DLGAP2: variants seen among roughly 807,000 people sequenced by gnomAD.
The protein encoded by DLGAP2 is DLG associated protein 2.
Under a neutral mutation model 100.3 loss-of-function variants are expected in DLGAP2, and 26 were observed. That is an observed-to-expected ratio of 0.26 (90% CI 0.19 to 0.36). The LOEUF is 0.36. DLGAP2 is among the 10% of genes least tolerant of loss of function. The pLI is 1.00. For missense variants in DLGAP2, 1,858 were observed against 1,453.2 expected (o/e 1.28, Z -4.53); for synonymous variants, 886 against 630.1 (o/e 1.41, Z -6.08).
At chr8:1,077,015 A>C (rs1803641237) in intron 2 of DLGAP2, among the ~76,000 whole-genome samples, 2 of 133,930 alleles carry the variant, frequency 1.5e-5, no homozygotes, top group Admixed American at 1.5e-4. Context: ...GTGGAGGAGG[A>C]GTCTGTCCCG....
At chr8:961,995 A>G (rs1433080551) in intron 2 of DLGAP2, among the ~76,000 whole-genome samples, 1 of 152,220 alleles carries the variant, frequency 6.6e-6, no homozygotes, top group Non-Finnish European at 1.5e-5. Flanking sequence ...CCATCCACAC[A>G]GAGATTTGAT....
intron 3 of DLGAP2, among the ~76,000 whole-genome samples, chr8:1,290,086 AT>A (rs1800024988): frequency 1.3e-5 from 2 of 152,140 alleles, no homozygotes; most frequent in Admixed American, 1.3e-4. Flanking sequence ...GGTGTTGGGA[AT>A]TTATTCCTAC....
At chr8:1,607,438 T>C (rs1390100215) in intron 6 of DLGAP2, among the ~76,000 whole-genome samples, 5 of 152,246 alleles carry the variant, frequency 3.3e-5, no homozygotes, top group Admixed American at 3.3e-4. Flanking sequence ...GGAAATCTAA[T>C]TTATACTCCT....
At chr8:1,685,814 A>G (rs1585063330) in intron 12 of DLGAP2, among the ~76,000 whole-genome samples, 1 of 152,234 alleles carries the variant, frequency 6.6e-6, no homozygotes, top group East Asian at 1.9e-4. Flanking sequence ...GCCAACAGGT[A>G]TGTGACAAAA....
Position 895,414 on chromosome 8 carries a change from A to C in DLGAP2, c.19-12498A>C, listed in dbSNP as rs142970914. Reference sequence around the variant, plus strand: ...GTGCTGAGACACAGCAGCTCTTTCCACCTCTGTTTCCGGGGAGCAGGGGGC... The same window carrying C: ...GTGCTGAGACACAGCAGCTCTTTCCCCCTCTGTTTCCGGGGAGCAGGGGGC... On this transcript the variant is annotated intron_variant, in intron 1 of 14. Transcript: ENST00000637795. 2.4e-3 allele frequency among the ~76,000 whole-genome samples: 359 copies of C among 152,030 alleles called. 2 individuals are homozygous for C. Among genetic ancestry groups the C allele is most frequent in the African/African-American group, 7.9e-3 (326 of 41,442 alleles).
At chr8:884,359 T>C (rs576941083) in intron 1 of DLGAP2, among the ~76,000 whole-genome samples, 1 of 152,346 alleles carries the variant, frequency 6.6e-6, no homozygotes, top group African/African-American at 2.4e-5. Context: ...GGTATCTCAT[T>C]GTGGTTTTGA....
At chr8:1,187,824 C>T (rs373133827) in intron 2 of DLGAP2, among the ~76,000 whole-genome samples, 7 of 121,698 alleles carry the variant, frequency 5.8e-5, no homozygotes, top group East Asian at 4.8e-4. Flanking sequence ...CCGGGACTTC[C>T]GTGATGTTTC....
chr8:757,615 G>A (rs915698931), intron 1 of DLGAP2, among the ~76,000 whole-genome samples: 9 of 152,212 alleles, frequency 5.9e-5, no homozygotes, highest in Non-Finnish European at 1.2e-4. Flanking sequence ...ATGGTGCTGG[G>A]TCACAGGCTG....
chr8:1,516,845 T>C (rs982736423), intron 4 of DLGAP2, among the ~76,000 whole-genome samples: 6 of 152,256 alleles, frequency 3.9e-5, no homozygotes, highest in African/African-American at 1.4e-4. Flanking sequence ...CCTTTTTTTG[T>C]GCTGAAATTA....
At chr8:1,043,018 GTGTGGGTGGTGGA>G (rs1802404760) in intron 2 of DLGAP2, among the ~76,000 whole-genome samples, 2 of 127,518 alleles carry the variant, frequency 1.6e-5, no homozygotes, top group African/African-American at 2.9e-5. Context: ...TGGGTGGTGG[GTGTGGGTGGTGGA>G]TGTGGGTGGT....
intron 8 of DLGAP2, among the ~76,000 whole-genome samples, chr8:1,635,395 A>T (rs1335011688): frequency 6.6e-6 from 1 of 152,178 alleles, no homozygotes; most frequent in East Asian, 1.9e-4. Flanking sequence ...GATTTCAAAA[A>T]TTTTCTACTT....
chr8:1,281,190 C>G (rs926210657), intron 3 of DLGAP2, among the ~76,000 whole-genome samples: 2 of 152,186 alleles, frequency 1.3e-5, no homozygotes, highest in Non-Finnish European at 2.9e-5. Context: ...AGTCTGTATC[C>G]TATAGATGTC....
intron 13 of DLGAP2, among the ~76,000 whole-genome samples, chr8:1,695,347 AAG>A (rs1488897733): frequency 8.5e-5 from 11 of 129,832 alleles, no homozygotes; most frequent in African/African-American, 3.3e-4. Context: ...GCCCTACAGA[AAG>A]AGGGGGCACA....
At chr8:848,351 C>T (rs567499580) in intron 1 of DLGAP2, among the ~76,000 whole-genome samples, 10 of 122,214 alleles carry the variant, frequency 8.2e-5, no homozygotes, top group East Asian at 4.5e-4. Flanking sequence ...AGTATAGGAA[C>T]GTGCGGTGCC....
At chr8:816,118 C>G (rs114915595) in intron 1 of DLGAP2, among the ~76,000 whole-genome samples, 6,227 of 152,234 alleles carry the variant, frequency 0.041, 192 homozygotes, top group African/African-American at 0.079. Flanking sequence ...TTAGGTTAGT[C>G]TCTTGAAGAC....
intron 1 of DLGAP2, among the ~76,000 whole-genome samples, chr8:745,450 A>T (rs1280499468): frequency 3.9e-5 from 6 of 152,224 alleles, no homozygotes; most frequent in Non-Finnish European, 1.5e-5. Context: ...CTTTAAAGCA[A>T]CCAAACAGTA....
At chr8:1,257,258 T>TACCCG (rs1799244677) in intron 2 of DLGAP2, among the ~76,000 whole-genome samples, 1 of 151,864 alleles carries the variant, frequency 6.6e-6, no homozygotes, top group South Asian at 2.1e-4. Flanking sequence ...GTGAGCTCCG[T>TACCCG]CCCCGCCCCG....
At chr8:1,627,482 G>A (rs142301600) in intron 7 of DLGAP2, among the ~76,000 whole-genome samples, 193 of 152,328 alleles carry the variant, frequency 1.3e-3, no homozygotes, top group African/African-American at 4.4e-3. Flanking sequence ...TGGTGGACGG[G>A]CCTGAGAACG....
At chr8:1,515,027 G>A (rs1488881755) in intron 4 of DLGAP2, among the ~76,000 whole-genome samples, 4 of 151,626 alleles carry the variant, frequency 2.6e-5, no homozygotes, top group South Asian at 2.1e-4. Context: ...GGAGACCGAC[G>A]TGCAGGGAGA....
Sources: allele counts gnomAD v4.1 joint callset (sites outside exome capture counted in the v4.1 genomes callset), GRCh38; gene constraint gnomAD v4.1.1; transcripts MANE v1.5; gene names NCBI Gene and HGNC (gene_info 2026-07-23, HGNC 2026-07-21).